The following RABGAP1L variants were observed in gnomAD, a reference collection of about 807,000 sequenced individuals.
The protein encoded by RABGAP1L is RAB GTPase activating protein 1 like.
In RABGAP1L, 63 loss-of-function variants were observed where a neutral mutation model predicts 137.7. That is an observed-to-expected ratio of 0.46 (90% CI 0.37 to 0.56). The LOEUF is 0.56. RABGAP1L is among the 20% of genes least tolerant of loss of function. RABGAP1L has a pLI of 0.00. For missense variants in RABGAP1L, 1,095 were observed against 1,244.0 expected, an observed-to-expected ratio of 0.88 and a Z score of 1.80; for synonymous variants, 431 against 433.7, an observed-to-expected ratio of 0.99 and a Z score of 0.08.
At chr1:174,291,044 G>A (rs1049484390) in intron 10 of RABGAP1L, among the ~76,000 whole-genome samples, 1 of 152,176 alleles carries the variant, frequency 6.6e-6, no homozygotes, top group Non-Finnish European at 1.5e-5. Context: ...ACAGGCATGA[G>A]CCACTGTGCC....
At chr1:174,454,551 A>ATTAT (rs774023170) in intron 13 of RABGAP1L, among the ~76,000 whole-genome samples, 1 of 132,844 alleles carries the variant, frequency 7.5e-6, no homozygotes, top group African/African-American at 2.8e-5. Flanking sequence ...TCACTGTAGG[A>ATTAT]TTTTTTTTTT....
chr1:174,812,190 A>ACAT (rs1172067849), intron 19 of RABGAP1L, among the ~76,000 whole-genome samples: 4 of 152,210 alleles, frequency 2.6e-5, no homozygotes, highest in African/African-American at 9.6e-5. Context: ...AGGAAGATAA[A>ACAT]CATTTATCTC....
chr1:174,543,540 C>T (rs1020721943), intron 13 of RABGAP1L, among the ~76,000 whole-genome samples: 1 of 152,182 alleles, frequency 6.6e-6, no homozygotes, highest in African/African-American at 2.4e-5. Flanking sequence ...GTTCTTGACT[C>T]TTTATCCAAT....
At chr1:174,893,679 T>A (rs1416609271) in intron 19 of RABGAP1L, among the ~76,000 whole-genome samples, 1 of 152,208 alleles carries the variant, frequency 6.6e-6, no homozygotes, top group Admixed American at 6.5e-5. Context: ...TTTCCCTCTT[T>A]GCAACACTTC....
chr1:174,929,753 A>AAAATAAATAAAT (rs61539169), intron 19 of RABGAP1L, among the ~76,000 whole-genome samples: 3,943 of 140,780 alleles, frequency 0.028, 64 homozygotes, highest in South Asian at 0.031. Context: ...GTCTCTACAA[A>AAAATAAATAAAT]AAATAAATAA....
At chr1:174,392,313 G>A (rs1647261519) in intron 12 of RABGAP1L, among the ~76,000 whole-genome samples, 1 of 151,984 alleles carries the variant, frequency 6.6e-6, no homozygotes, top group Non-Finnish European at 1.5e-5. Flanking sequence ...ATTTTTCTAT[G>A]CATGTCTAAA....
intron 19 of RABGAP1L, among the ~76,000 whole-genome samples, chr1:174,886,005 G>C (rs1370201123): frequency 7.2e-6 from 1 of 137,964 alleles, no homozygotes; most frequent in Non-Finnish European, 1.5e-5. Context: ...AATTATTAGA[G>C]AAACCAATTT....
At chr1:174,509,960 C>A (rs1194851511) in intron 13 of RABGAP1L, among the ~76,000 whole-genome samples, 1 of 152,174 alleles carries the variant, frequency 6.6e-6, no homozygotes, top group Non-Finnish European at 1.5e-5. Flanking sequence ...GAGGTTGAGG[C>A]CCACATGTCC....
At chr1:174,956,865 C>G (rs1668584207) in intron 19 of RABGAP1L, among the ~76,000 whole-genome samples, 2 of 152,068 alleles carry the variant, frequency 1.3e-5, no homozygotes, top group South Asian at 4.2e-4. Flanking sequence ...CCAGGCTGGT[C>G]TCGAACTCCT....
intron 10 of RABGAP1L, among the ~76,000 whole-genome samples, chr1:174,298,896 T>C (rs1277099069): frequency 6.6e-6 from 1 of 152,240 alleles, no homozygotes; most frequent in African/African-American, 2.4e-5. Flanking sequence ...CCTTTTGTTC[T>C]TTCTGAGCTG....
At chr1:174,631,789 C>G (rs992297160) in intron 13 of RABGAP1L, among the ~76,000 whole-genome samples, 3 of 150,400 alleles carry the variant, frequency 2.0e-5, no homozygotes, top group Non-Finnish European at 4.4e-5. Context: ...ATGTATGTCT[C>G]TGCACGTGAG....
intron 13 of RABGAP1L, among the ~76,000 whole-genome samples, chr1:174,575,742 G>A (rs55926112): frequency 0.035 from 5,336 of 152,212 alleles, 125 homozygotes; most frequent in Middle Eastern, 0.088. Context: ...AGCCCGCAAT[G>A]CAGCGGGGCT....
chr1:174,781,926 T>C (rs1163957056), intron 18 of RABGAP1L, among the ~76,000 whole-genome samples: 2 of 152,196 alleles, frequency 1.3e-5, no homozygotes, highest in African/African-American at 4.8e-5. Context: ...TTGGTCTGTA[T>C]CTCTGTTTTG....
intron 1 of RABGAP1L, among the ~76,000 whole-genome samples, chr1:174,213,546 T>G (rs1477587560): frequency 1.3e-5 from 2 of 152,136 alleles, no homozygotes; most frequent in Non-Finnish European, 2.9e-5. Context: ...TAGGCTAATA[T>G]CTCTGATGAA....
intron 24 of RABGAP1L, among the ~76,000 whole-genome samples, chr1:174,985,117 A>C (rs1191924059): frequency 6.6e-6 from 1 of 152,250 alleles, no homozygotes; most frequent in Non-Finnish European, 1.5e-5. Context: ...AACTAGGCTC[A>C]CGCCTGTCAT....
At chr1:174,961,608 G>A (rs1056209738) in intron 20 of RABGAP1L, among the ~76,000 whole-genome samples, 1 of 152,192 alleles carries the variant, frequency 6.6e-6, no homozygotes, top group Non-Finnish European at 1.5e-5. Flanking sequence ...ACTTTGGGAG[G>A]CCGAGGTGGG....
chr1:174,386,467 A>G (rs1185672220), intron 12 of RABGAP1L, among the ~76,000 whole-genome samples: 4 of 151,988 alleles, frequency 2.6e-5, no homozygotes, highest in Non-Finnish European at 4.4e-5. Flanking sequence ...TTTTAGAGCC[A>G]GAACAGGGTG....
intron 4 of RABGAP1L, among the ~76,000 whole-genome samples, chr1:174,241,222 A>T (rs1031792522): frequency 6.6e-6 from 1 of 152,114 alleles, no homozygotes; most frequent in African/African-American, 2.4e-5. Context: ...TGGGAGGCTG[A>T]AGCAGGAGAA....
chr1:174,331,389 A>C (rs1681016977), intron 11 of RABGAP1L, among the ~76,000 whole-genome samples: 1 of 152,248 alleles, frequency 6.6e-6, no homozygotes, highest in Admixed American at 6.5e-5. Context: ...AACAATGAAG[A>C]GACAGCCTAT....
Sources: gnomAD v4.1 joint callset for allele counts (sites outside exome capture counted in the v4.1 genomes callset) on GRCh38, gnomAD v4.1.1 for gene constraint, MANE v1.5 for transcripts, NCBI Gene and HGNC (gene_info 2026-07-23, HGNC 2026-07-21) for gene names.